Variants in CREM observed in about 807,000 individuals in gnomAD.
The protein encoded by CREM is cAMP responsive element modulator, also known as cAMP-responsive element modulator.
Under a neutral mutation model 37.3 loss-of-function variants are expected in CREM, and 13 were observed. That is an observed-to-expected ratio of 0.35 (90% CI 0.23 to 0.55). CREM has a LOEUF of 0.55. CREM is among the 20% of genes least tolerant of loss of function. CREM has a pLI of 0.88. For missense variants in CREM, 296 were observed against 362.3 expected, an observed-to-expected ratio of 0.82 and a Z score of 1.49; for synonymous variants, 124 against 120.2, an observed-to-expected ratio of 1.03 and a Z score of -0.21.
rs376928154 is a variant in CREM at position 35,170,787 on chromosome 10, CTCTTT to C, written c.169-8097_169-8093del. On this transcript the variant is annotated intron_variant, in intron 3 of 7. Coordinates refer to ENST00000685392, the MANE Select transcript of CREM (RefSeq NM_183011.2). Reference sequence around the variant, plus strand: ...TTTATTGCATCTATTTGATTCTTCTCTCTTTTCTTCTTTATTGGAGTTTAACCTAT... The same window carrying C: ...TTTATTGCATCTATTTGATTCTTCTCTCTTCTTTATTGGAGTTTAACCTAT... Among the ~76,000 whole-genome samples the C allele has an allele frequency of 2.0e-4, 31 of 152,182 alleles. No individual in the cohort carries two copies. The South Asian group carries it at 6.4e-3, about 32-fold the overall frequency.
At chr10:35,139,940 C>T (rs2135701986) in intron 2 of CREM, among the ~76,000 whole-genome samples, 1 of 152,254 alleles carries the variant, frequency 6.6e-6, no homozygotes, top group South Asian at 2.1e-4. Flanking sequence ...TGGTACAGTG[C>T]TTGACCCATG....
chr10:35,172,423 T>G (rs2093864863), intron 3 of CREM, among the ~76,000 whole-genome samples: 1 of 152,188 alleles, frequency 6.6e-6, no homozygotes, highest in Admixed American at 6.5e-5. Flanking sequence ...GCTAAGATGT[T>G]GTTTTTCTTT....
intron 6 of CREM, among the ~76,000 whole-genome samples, chr10:35,188,613 A>C (rs990012149): frequency 6.6e-6 from 1 of 152,150 alleles, no homozygotes; most frequent in Non-Finnish European, 1.5e-5. Flanking sequence ...AGAAAGGCCA[A>C]ATTCAGAGTA....
At chr10:35,171,994 G>T (rs2093842238) in intron 3 of CREM, among the ~76,000 whole-genome samples, 1 of 152,188 alleles carries the variant, frequency 6.6e-6, no homozygotes, top group Non-Finnish European at 1.5e-5. Context: ...TGGTGGGTGG[G>T]AGAAGTGGTG....
chr10:35,203,710 A>G (rs1375310466), intron 6 of CREM, among the ~76,000 whole-genome samples: 2 of 152,066 alleles, frequency 1.3e-5, no homozygotes. Context: ...AATAAAAAGT[A>G]AAAAGTTTTT....
chr10:35,196,865 CTTTTTTTTTT>C (rs58503822), intron 6 of CREM, among the ~76,000 whole-genome samples: 2 of 108,942 alleles, frequency 1.8e-5, no homozygotes, highest in Non-Finnish European at 3.6e-5. Flanking sequence ...ACGCTGTGTA[CTTTTTTTTTT>C]TTTTTTTTTT....
At chr10:35,135,395 T>C (rs1329526162) in intron 1 of CREM, 1 of 152,206 alleles carries the variant, frequency 6.6e-6, no homozygotes, top group African/African-American at 2.4e-5. Flanking sequence ...TTATGTGTTT[T>C]AATTTATTCC....
intron 6 of CREM, among the ~76,000 whole-genome samples, chr10:35,202,377 A>T (rs995573316): frequency 6.6e-6 from 1 of 152,224 alleles, no homozygotes; most frequent in Non-Finnish European, 1.5e-5. Context: ...TTTTAAAATT[A>T]AAACTTGTGA....
intron 7 of CREM, 26 bp from the exon 8 acceptor site, chr10:35,211,228 A>T: frequency 6.2e-7 from 1 of 1,607,118 alleles, no homozygotes; most frequent in Non-Finnish European, 8.5e-7. Flanking sequence ...CTGTTCCTGT[A>T]GTCATTTGCC....
At chr10:35,170,116 C>T (rs1156604073) in intron 3 of CREM, among the ~76,000 whole-genome samples, 1 of 152,202 alleles carries the variant, frequency 6.6e-6, no homozygotes, top group South Asian at 2.1e-4. Flanking sequence ...GCACCCGCCA[C>T]CACACCCGGC....
At chr10:35,175,977 C>A in intron 3 of CREM, 1 of 1,551,176 alleles carries the variant, frequency 6.4e-7, no homozygotes, top group Non-Finnish European at 8.7e-7. Flanking sequence ...GTTATTCAGT[C>A]ATCAGAAATA....
At position 35,195,210 on chromosome 10, in the gene CREM, C is replaced by A; in HGVS notation, c.598+6822C>A. On this transcript the variant is annotated intron_variant, in intron 6 of 7. Coordinates refer to ENST00000685392, the MANE Select transcript of CREM (RefSeq NM_183011.2). ...CCATTATGGCTGTAACTGGAGATGA[C>A]ACAGGTAAGAATGTTAAAGAGGGGT... is the stretch of plus-strand genomic sequence containing the variant. 4 of 1,613,820 alleles carry A rather than the reference C, an allele frequency of 2.5e-6. No homozygotes were observed. In the East Asian group the frequency reaches 8.9e-5, roughly 36 times the overall value.
At chr10:35,182,397 C>T (rs941326313) in intron 5 of CREM, among the ~76,000 whole-genome samples, 1 of 150,346 alleles carries the variant, frequency 6.7e-6, no homozygotes, top group Non-Finnish European at 1.5e-5. Flanking sequence ...TTTTAATGCT[C>T]TTTCATAACC....
chr10:35,145,243 G>A (rs1359058337), intron 2 of CREM, among the ~76,000 whole-genome samples: 1 of 149,270 alleles, frequency 6.7e-6, no homozygotes, highest in African/African-American at 2.5e-5. Context: ...GTCCTACTCT[G>A]TCTCTTCCCC....
At chr10:35,174,134 A>G (rs569691081) in intron 3 of CREM, among the ~76,000 whole-genome samples, 2 of 152,316 alleles carry the variant, frequency 1.3e-5, no homozygotes, top group East Asian at 3.9e-4. Flanking sequence ...CCTGTGGGCT[A>G]CATATTGGTT....
intron 6 of CREM, chr10:35,195,160 A>G (rs1254947750): frequency 5.0e-6 from 8 of 1,612,746 alleles, no homozygotes; most frequent in Non-Finnish European, 5.9e-6. Flanking sequence ...GGTAGAGGAA[A>G]CAAGACAGTT....
chr10:35,175,584 TTTG>T (rs750841269), intron 3 of CREM: 314 of 1,336,966 alleles, frequency 2.3e-4, no homozygotes, highest in Non-Finnish European at 3.2e-4. Context: ...GCTTTAGAAC[TTTG>T]TGCTTGGAAC....
intron 6 of CREM, among the ~76,000 whole-genome samples, chr10:35,195,431 G>A (rs2095110807): frequency 6.6e-6 from 1 of 151,896 alleles, no homozygotes; most frequent in African/African-American, 2.4e-5. Context: ...TTGCTTGACT[G>A]AGGCACTAAT....
At position 35,211,838 on chromosome 10, in the gene CREM, AG is replaced by A. The variant is rs2095669418; in HGVS notation, c.*441del. ...ACTATGAACTGAAGGCAGCATGTAT[AG>A]TTGCTTTTGAAGGAATACAATATAT... On this transcript the variant is annotated 3_prime_UTR_variant, in exon 8 of 8. Transcript: ENST00000685392. 2 of 1,562,224 alleles carry A rather than the reference AG, an allele frequency of 1.3e-6. No individual in the cohort carries two copies. The highest frequency in any genetic ancestry group is 1.7e-6 in the Non-Finnish European group (2 of 1,156,782).
Sources: allele counts gnomAD v4.1 joint callset (sites outside exome capture counted in the v4.1 genomes callset), GRCh38; gene constraint gnomAD v4.1.1; transcripts MANE v1.5; gene names NCBI Gene and HGNC (gene_info 2026-07-23, HGNC 2026-07-21).